ATP6V0A2: variants seen among roughly 807,000 people sequenced by gnomAD.
ATP6V0A2 encodes the protein V-type proton ATPase 116 kDa subunit a 2.
Under a neutral mutation model 104.4 loss-of-function variants are expected in ATP6V0A2, and 58 were observed. The ratio of observed to expected loss-of-function variants is 0.56; its 90% CI spans 0.45 to 0.69. The LOEUF (loss-of-function observed/expected upper bound fraction) is 0.69, where lower values mean the gene tolerates loss of function less well. Among genes scored for constraint, ATP6V0A2 ranks in the 30% least tolerant of loss-of-function variants. The probability of loss-of-function intolerance (pLI) is 0.00; values close to 1 mark genes in which losing one functional copy is unlikely to be tolerated. For missense variants in ATP6V0A2, 938 were observed against 1,062.9 expected (o/e 0.88, Z 1.63); for synonymous variants, 376 against 397.9 (o/e 0.95, Z 0.65).
At chr12:123,722,488 T>G in intron 3 of ATP6V0A2, 40 bp downstream of exon 3, 1 of 1,169,830 alleles carries the variant, frequency 8.5e-7, no homozygotes, top group African/African-American at 1.5e-5. Context: ...GCCATTGATC[T>G]TGGGGGCTGC....
chr12:123,754,190 G>T (rs899671473), intron 17 of ATP6V0A2: 2 of 605,986 alleles, frequency 3.3e-6, no homozygotes, highest in Admixed American at 5.7e-5. Flanking sequence ...TGGGAGTGGG[G>T]CTGATGAAGG....
intron 16 of ATP6V0A2, among the ~76,000 whole-genome samples, chr12:123,751,727 G>C (rs934482689): frequency 6.6e-6 from 1 of 152,136 alleles, no homozygotes; most frequent in Non-Finnish European, 1.5e-5. Context: ...ACCCGCCCTG[G>C]TATGAACTAC....
At chr12:123,740,436 C>T (rs1439005723) in intron 9 of ATP6V0A2, among the ~76,000 whole-genome samples, 1 of 152,128 alleles carries the variant, frequency 6.6e-6, no homozygotes, top group African/African-American at 2.4e-5. Context: ...GTCTGGAACT[C>T]CTGACCTCAA....
rs567523797 is a variant in ATP6V0A2, at chr12:123,751,227, C to T, written c.2053C>T (p.Arg685Trp). Reference sequence around the variant, plus strand: ...TGGGCGTAGTTGCTTCGGGGTGAACCGGGTAAGTGCGGGTTTGGATGCATT... The same window carrying T: ...TGGGCGTAGTTGCTTCGGGGTGAACTGGGTAAGTGCGGGTTTGGATGCATT... ...HNGRSCFGVNRSGYTLIRKDS... is the reference protein window; with the variant it reads ...HNGRSCFGVNWSGYTLIRKDS... Residue 685 changes from arginine (R) to tryptophan (W), a missense_variant and splice_region_variant, in exon 16 of 20, where the codon CGG (arginine) becomes TGG (tryptophan). Physicochemically the swap from Arg to Trp is moderately radical, Grantham distance 101. Transcript: ENST00000330342. 1.7e-5 allele frequency: 27 copies of T among 1,614,124 alleles called. No individual in the cohort carries two copies. Among genetic ancestry groups the T allele is most frequent in the South Asian group, 7.7e-5 (7 of 91,076 alleles).
At chr12:123,757,863 A>C in intron 19 of ATP6V0A2, 64 bp from the exon 20 acceptor site, 2 of 1,023,658 alleles carry the variant, frequency 2.0e-6, no homozygotes, top group Non-Finnish European at 2.9e-6. Context: ...TTAACTTATA[A>C]ATGTTGTTTT....
At chr12:123,716,511 C>A (rs1251855047) in intron 1 of ATP6V0A2, among the ~76,000 whole-genome samples, 2 of 152,092 alleles carry the variant, frequency 1.3e-5, no homozygotes, top group Admixed American at 6.5e-5. Flanking sequence ...TTTATGGAGG[C>A]CGGGTGCAGT....
chr12:123,721,138 C>T (rs1323564875), intron 2 of ATP6V0A2: 1 of 152,272 alleles, frequency 6.6e-6, no homozygotes, highest in African/African-American at 2.4e-5. Context: ...AAAACATAAA[C>T]CAAATAAAGT....
chr12:123,717,611 A>G (rs980607523), intron 1 of ATP6V0A2, among the ~76,000 whole-genome samples: 4 of 151,662 alleles, frequency 2.6e-5, no homozygotes. Context: ...GGCCTGGCTA[A>G]TTTTTTATTT....
In ATP6V0A2 at chr12:123,724,747, C is replaced by CACATGCTG. The variant is rs767257316; in HGVS notation, c.390_397dup (p.Arg133ThrfsTer3). ...CTTGCTGGAACTGATAGAGTACACT[C>CACATGCTG]ACATGCTGAGAGTGACAAAGACCTT... On this transcript the variant is annotated frameshift_variant, in exon 4 of 20. Transcript: ENST00000330342. LOFTEE classifies it high-confidence loss of function. 1.1e-5 allele frequency: 18 copies of CACATGCTG among 1,613,602 alleles called. No homozygotes were observed. The highest frequency in any genetic ancestry group is 1.5e-5 in the Non-Finnish European group (18 of 1,179,824).
rs1382280855 is a variant in ATP6V0A2 at position 123,744,549 on chromosome 12, T to C, written c.1327-48T>C. The C allele has an allele frequency of 1.9e-6, 3 of 1,610,400 alleles. No individual in the cohort carries two copies. The highest frequency in any genetic ancestry group is 2.5e-6 in the Non-Finnish European group (3 of 1,178,944). On this transcript the variant is annotated intron_variant, in intron 11 of 19. Coordinates refer to ENST00000330342, the MANE Select transcript of ATP6V0A2 (RefSeq NM_012463.4). This position sits in a 1 kb window ranked among gnomAD's most constrained non-coding sequence, Gnocchi z 5.4. ...CGTGCCCACACCGACAGCTGTCACA[T>C]GGACACCCTCCAGTAACCATATTCT...
intron 1 of ATP6V0A2, among the ~76,000 whole-genome samples, chr12:123,713,301 T>C (rs921187809): frequency 2.6e-5 from 4 of 151,856 alleles, no homozygotes; most frequent in Admixed American, 1.3e-4. Context: ...TTTTTGTGTT[T>C]TGGTCACTGA....
chr12:123,750,628 T>G lies in ATP6V0A2; in HGVS notation c.1936-482T>G, dbSNP rs1956705633. The stretch of plus-strand genomic sequence containing the variant: ...TTAAGTAACTATAAATCTTCGTTTT[T>G]CTAAGGAAGTGTTTTTGGTTTTGTT... On this transcript the variant is annotated intron_variant, in intron 15 of 19. Coordinates refer to ENST00000330342, the MANE Select transcript of ATP6V0A2 (RefSeq NM_012463.4). The G allele has an allele frequency of 1.9e-5, 4 of 209,044 alleles. No individual in the cohort carries two copies. The Admixed American group carries it at 2.1e-4, about 11-fold the overall frequency. 12.9% of individuals were successfully genotyped at this position (209,044 alleles called of 1,614,324 possible). A position where few individuals can be genotyped will look rare whatever the true frequency, so the allele number is the denominator to read the frequency against.
intron 1 of ATP6V0A2, among the ~76,000 whole-genome samples, chr12:123,714,236 G>A (rs1365305513): frequency 6.6e-6 from 1 of 152,234 alleles, no homozygotes; most frequent in African/African-American, 2.4e-5. Context: ...CAGTCATAGA[G>A]TGTACCTGGG....
At chr12:123,715,137 GT>G (rs1440973202) in intron 1 of ATP6V0A2, among the ~76,000 whole-genome samples, 1 of 152,170 alleles carries the variant, frequency 6.6e-6, no homozygotes, top group African/African-American at 2.4e-5. Flanking sequence ...TGAAATCCAT[GT>G]TTGTATTATT....
At chr12:123,728,589 G>A (rs1164818099) in intron 6 of ATP6V0A2, among the ~76,000 whole-genome samples, 1 of 152,040 alleles carries the variant, frequency 6.6e-6, no homozygotes, top group Non-Finnish European at 1.5e-5. Context: ...GACTTCCCTT[G>A]GCTTTTGTGA....
intron 9 of ATP6V0A2, among the ~76,000 whole-genome samples, chr12:123,742,169 C>T (rs1253149132): frequency 2.0e-5 from 3 of 152,234 alleles, no homozygotes; most frequent in African/African-American, 2.4e-5. Flanking sequence ...GCCCCTGTGC[C>T]GTCGCCTACT....
chr12:123,719,127 A>C (rs1346598267), intron 2 of ATP6V0A2, among the ~76,000 whole-genome samples: 1 of 152,232 alleles, frequency 6.6e-6, no homozygotes, highest in Non-Finnish European at 1.5e-5. Context: ...TACTTAATTT[A>C]AAATTTTTTC....
intron 6 of ATP6V0A2, among the ~76,000 whole-genome samples, chr12:123,729,320 C>CTTTTTTTTTTTTTTTTTTTTTTTTTTTT (rs1566278746): frequency 2.6e-5 from 1 of 38,836 alleles, no homozygotes; most frequent in South Asian, 8.9e-4. Context: ...TTCAAGGAGG[C>CTTTTTTTTTTTTTTTTTTTTTTTTTTTT]TGTTTTTTTT....
intron 17 of ATP6V0A2, among the ~76,000 whole-genome samples, chr12:123,753,454 C>T (rs1240335243): frequency 6.6e-6 from 1 of 152,244 alleles, no homozygotes; most frequent in Non-Finnish European, 1.5e-5. Context: ...CCTCCCTGCT[C>T]AGCTTGCTGT....
Sources: gnomAD v4.1 joint callset for allele counts (sites outside exome capture counted in the v4.1 genomes callset) on GRCh38, gnomAD v4.1.1 for gene constraint, Gnocchi (gnomAD v3.1) non-coding constraint, MANE v1.5 for transcripts, NCBI Gene and HGNC (gene_info 2026-07-23, HGNC 2026-07-21) for gene names.